The following TIMM9 variants were observed in gnomAD, a reference collection of about 807,000 sequenced individuals.
TIMM9 encodes the protein mitochondrial import inner membrane translocase subunit Tim9.
A neutral mutation model predicts 13.4 loss-of-function variants in TIMM9; 10 were observed. The observed-to-expected ratio is 0.75, with a 90% confidence interval of 0.46 to 1.26. The LOEUF is 1.26. TIMM9 is among the 50% of genes most tolerant of loss of function. The pLI is 0.00. For synonymous variants in TIMM9, 32 were observed against 32.1 expected, an observed-to-expected ratio of 1.00 and a Z score of 0.01; for missense variants, 87 against 100.8, an observed-to-expected ratio of 0.86 and a Z score of 0.58.
chr14:58,426,426 C>G (rs1042873426), intron 2 of TIMM9, among the ~76,000 whole-genome samples: 1 of 151,954 alleles, frequency 6.6e-6, no homozygotes, highest in African/African-American at 2.4e-5. Context: ...AGGCTGGTCT[C>G]GAACTCCTGA....
chr14:58,408,590 T>G lies in TIMM9; in HGVS notation c.*444A>C. 6.2e-7 allele frequency: 1 copy of G among 1,613,500 alleles called. No homozygotes were observed. The highest frequency in any genetic ancestry group is 8.5e-7 in the Non-Finnish European group (1 of 1,179,568). On this transcript the variant is annotated 3_prime_UTR_variant, in exon 6 of 6. Coordinates refer to ENST00000395159, the MANE Select transcript of TIMM9 (RefSeq NM_012460.4). ...GAGGATGATCCTGATTGAAAAACATTTCAACGTATCCACAGTCCAGTGAGA... is the reference window on the plus strand; with the variant it reads ...GAGGATGATCCTGATTGAAAAACATGTCAACGTATCCACAGTCCAGTGAGA...
Position 58,408,852 on chromosome 14 carries a change from T to C in TIMM9, c.*182A>G. 1.2e-6 allele frequency: 1 copy of C among 841,824 alleles called. No individual in the cohort carries two copies. The allele number at this position is 841,824 out of a possible 1,614,324, so 52.1% of individuals were successfully genotyped here. A position where few individuals can be genotyped will look rare whatever the true frequency, so the allele number is the denominator to read the frequency against. ...TTTCACTGAACAATAAGACCTTCTA[T>C]TGTGATTATTCCTGGTAAATAGCAA... is the stretch of plus-strand genomic sequence containing the variant. On this transcript the variant is annotated 3_prime_UTR_variant, in exon 6 of 6. Coordinates refer to ENST00000395159, the MANE Select transcript of TIMM9 (RefSeq NM_012460.4).
At chr14:58,421,140 C>G (rs1244632707) in intron 3 of TIMM9, among the ~76,000 whole-genome samples, 1 of 152,102 alleles carries the variant, frequency 6.6e-6, no homozygotes, top group Non-Finnish European at 1.5e-5. Context: ...AATGGTTAAA[C>G]AAATTGGTAC....
chr14:58,419,495 ACACACACAC>A (rs1566752413), intron 3 of TIMM9, among the ~76,000 whole-genome samples: 2 of 150,770 alleles, frequency 1.3e-5, no homozygotes, highest in African/African-American at 4.9e-5. Context: ...ACACACACAC[ACACACACAC>A]AAACACATAC....
chr14:58,419,848 C>A (rs1005596813), intron 3 of TIMM9, among the ~76,000 whole-genome samples: 1 of 152,112 alleles, frequency 6.6e-6, no homozygotes, highest in Non-Finnish European at 1.5e-5. Context: ...GCCCAGGAGG[C>A]AGAGGCTGCA....
At chr14:58,414,753 A>AG (rs1467236907) in intron 3 of TIMM9, among the ~76,000 whole-genome samples, 32 of 150,296 alleles carry the variant, frequency 2.1e-4, no homozygotes, top group Non-Finnish European at 4.1e-4. Flanking sequence ...AAAAAAAAAG[A>AG]AAAAAAAGAA....
At chr14:58,417,508 A>T (rs2036451177) in intron 3 of TIMM9, among the ~76,000 whole-genome samples, 1 of 146,416 alleles carries the variant, frequency 6.8e-6, no homozygotes, top group Non-Finnish European at 1.5e-5. Context: ...TAAAAAAAAA[A>T]AAAAAAAAAA....
At chr14:58,420,809 A>C (rs1197909153) in intron 3 of TIMM9, among the ~76,000 whole-genome samples, 2 of 151,810 alleles carry the variant, frequency 1.3e-5, no homozygotes, top group African/African-American at 4.8e-5. Flanking sequence ...AAAAAAAAAA[A>C]AAAACAAGCT....
chr14:58,421,296 G>C lies in TIMM9; in HGVS notation c.-27+2712C>G, dbSNP rs369483420. On this transcript the variant is annotated intron_variant, in intron 3 of 5. Transcript: ENST00000395159. Reference sequence around the variant, plus strand: ...CTTATACAACATTCTTGAAATAACAGAATTGCAGAAATGAAGAACATATGG... The same window carrying C: ...CTTATACAACATTCTTGAAATAACACAATTGCAGAAATGAAGAACATATGG... Among the ~76,000 whole-genome samples, 4 of 152,274 alleles carry C rather than the reference G, an allele frequency of 2.6e-5. 1 individual carries two copies.
At chr14:58,411,065 T>C in intron 4 of TIMM9, 127 bp from the exon 5 acceptor site, 1 of 661,180 alleles carries the variant, frequency 1.5e-6, no homozygotes, top group Non-Finnish European at 2.6e-6. Context: ...GTTATTATGC[T>C]AACTTAAATG....
At chr14:58,417,517 AAG>A (rs2036451478) in intron 3 of TIMM9, among the ~76,000 whole-genome samples, 1 of 145,270 alleles carries the variant, frequency 6.9e-6, no homozygotes, top group East Asian at 2.0e-4. Context: ...AAAAAAAAAA[AAG>A]GAAGTGGAGG....
At chr14:58,423,514 CAAAAAAA>C (rs398025245) in intron 3 of TIMM9, among the ~76,000 whole-genome samples, 3 of 66,494 alleles carry the variant, frequency 4.5e-5, no homozygotes, top group Admixed American at 2.1e-4. Flanking sequence ...GACTTTGTCT[CAAAAAAA>C]AAAAAAAAAA....
chr14:58,408,526 C>T lies in TIMM9; in HGVS notation c.*508G>A, dbSNP rs1388538337. On this transcript the variant is annotated 3_prime_UTR_variant, in exon 6 of 6. Transcript: ENST00000395159. ...GCAAGTAACTATTTTATGTATTCACCAGCAATTTGAGGCAGACATGAATGA... is the reference window on the plus strand; with the variant it reads ...GCAAGTAACTATTTTATGTATTCACTAGCAATTTGAGGCAGACATGAATGA... The T allele has an allele frequency of 6.2e-7, 1 of 1,613,234 alleles. No individual in the cohort carries two copies. Among genetic ancestry groups the T allele is most frequent in the African/African-American group, 1.3e-5 (1 of 74,946 alleles).
At chr14:58,422,415 C>T (rs919472174) in intron 3 of TIMM9, among the ~76,000 whole-genome samples, 1 of 151,986 alleles carries the variant, frequency 6.6e-6, no homozygotes, top group Admixed American at 6.6e-5. Flanking sequence ...TGTGCCCAGT[C>T]GAAAGTATGA....
chr14:58,420,032 C>A, intron 3 of TIMM9, among the ~76,000 whole-genome samples: 1 of 152,236 alleles, frequency 6.6e-6, no homozygotes, highest in Non-Finnish European at 1.5e-5. Flanking sequence ...TTAAGCAGCC[C>A]TCCCATCTCC....
intron 3 of TIMM9, among the ~76,000 whole-genome samples, chr14:58,422,554 G>C (rs2036618485): frequency 6.6e-6 from 1 of 152,056 alleles, no homozygotes; most frequent in Non-Finnish European, 1.5e-5. Context: ...ACATATATGA[G>C]GAATGCCCCA....
chr14:58,419,833 A>AT (rs1370706955), intron 3 of TIMM9, among the ~76,000 whole-genome samples: 1 of 151,994 alleles, frequency 6.6e-6, no homozygotes, highest in Non-Finnish European at 1.5e-5. Context: ...GGAAGGATGG[A>AT]TTGCGCCCAG....
chr14:58,424,665 CT>C (rs2140345739), intron 2 of TIMM9, among the ~76,000 whole-genome samples: 1 of 152,114 alleles, frequency 6.6e-6, no homozygotes, highest in South Asian at 2.1e-4. Flanking sequence ...CCCAAAAGTT[CT>C]ACATCAGCCT....
intron 3 of TIMM9, among the ~76,000 whole-genome samples, chr14:58,412,413 T>C (rs1681634589): frequency 6.6e-6 from 1 of 152,256 alleles, no homozygotes; most frequent in Non-Finnish European, 1.5e-5. Flanking sequence ...GTGCTGGGAT[T>C]ACAGGCGTTA....
Sources: allele counts gnomAD v4.1 joint callset (sites outside exome capture counted in the v4.1 genomes callset), GRCh38; gene constraint gnomAD v4.1.1; transcripts MANE v1.5; gene names NCBI Gene and HGNC (gene_info 2026-07-23, HGNC 2026-07-21).